The following KAZN variants were observed in gnomAD, a reference collection of about 807,000 sequenced individuals.
KAZN encodes the protein kazrin, periplakin interacting protein, also known as kazrin.
KAZN carries 40 observed loss-of-function variants against 87.4 expected under a neutral mutation model. That is an observed-to-expected ratio of 0.46 (90% CI 0.36 to 0.60). The LOEUF (loss-of-function observed/expected upper bound fraction) is 0.60. Among genes scored for constraint, KAZN ranks in the 20% least tolerant of loss-of-function variants. The pLI, the probability that KAZN is intolerant of heterozygous loss-of-function variation, is 0.00. For missense variants in KAZN, 898 were observed against 1,073.9 expected (o/e 0.84, Z 2.29); for synonymous variants, 466 against 458.3 (o/e 1.02, Z -0.22).
chr1:14,031,135 G>C (rs1641310968), intron 1 of KAZN, among the ~76,000 whole-genome samples: 1 of 152,194 alleles, frequency 6.6e-6, no homozygotes, highest in South Asian at 2.1e-4. Flanking sequence ...AGATTTGACT[G>C]TTATTTACTT....
intron 2 of KAZN, among the ~76,000 whole-genome samples, chr1:14,386,261 T>C (rs1661878202): frequency 6.8e-6 from 1 of 147,186 alleles, no homozygotes; most frequent in Admixed American, 6.8e-5. Flanking sequence ...TCTTGACTCT[T>C]TATCCAATTT....
chr1:14,142,047 A>G lies in KAZN; in HGVS notation c.92-38388A>G, dbSNP rs377140440. 4.0e-5 allele frequency among the ~76,000 whole-genome samples: 6 copies of G among 151,152 alleles called. No individual in the cohort carries two copies. In the East Asian group the frequency reaches 7.7e-4, roughly 19 times the overall value. On this transcript the variant is annotated intron_variant, in intron 1 of 16. Transcript: ENST00000636203. Reference sequence around the variant, plus strand: ...CCGTGTAAGTTTATTTATCTACTGTAGAAGCAAGGTTGTTCTCTTTGTTCC... The same window carrying G: ...CCGTGTAAGTTTATTTATCTACTGTGGAAGCAAGGTTGTTCTCTTTGTTCC...
At chr1:14,776,524 G>A (rs1443982866) in intron 1 of KAZN, among the ~76,000 whole-genome samples, 1 of 152,142 alleles carries the variant, frequency 6.6e-6, no homozygotes, top group Non-Finnish European at 1.5e-5. Flanking sequence ...TTCTTATACT[G>A]TTGAACTTTA....
intron 1 of KAZN, among the ~76,000 whole-genome samples, chr1:14,855,784 G>C (rs1181113648): frequency 6.6e-6 from 1 of 152,226 alleles, no homozygotes; most frequent in Non-Finnish European, 1.5e-5. Context: ...TGCACATGGG[G>C]AATAGCAGGG....
rs1388659468 is a variant in KAZN, at chr1:14,858,203, C to CTTTTTTTTTTTTTTTTTTTTTTTT, written c.227-102476_227-102475insTTTTTTTTTTTTTTTTTTTTTTTT. ...ACATTTCTTTCTTTTTTTCTTTTTT[C>CTTTTTTTTTTTTTTTTTTTTTTTT]TTTTTCTTTTCTTTTTTTTTTTTTT... On this transcript the variant is annotated intron_variant, in intron 1 of 14. Transcript: ENST00000376030. 9.5e-5 allele frequency among the ~76,000 whole-genome samples: 9 copies of CTTTTTTTTTTTTTTTTTTTTTTTT among 95,102 alleles called. 1 individual carries two copies. The highest frequency in any genetic ancestry group is 3.7e-4 in the African/African-American group (7 of 18,896). The allele number at this position is 95,102 out of a possible 152,430, so 62.4% of individuals were successfully genotyped here.
chr1:13,980,953 C>G (rs1638635010), intron 1 of KAZN, among the ~76,000 whole-genome samples: 2 of 151,510 alleles, frequency 1.3e-5, no homozygotes, highest in South Asian at 2.1e-4. Context: ...CAGTGAAAGG[C>G]TCCTAGAACG....
At chr1:14,354,515 C>T (rs1658827508) in intron 2 of KAZN, among the ~76,000 whole-genome samples, 1 of 152,152 alleles carries the variant, frequency 6.6e-6, no homozygotes, top group Non-Finnish European at 1.5e-5. Flanking sequence ...GACTAGCAGA[C>T]AGTTCATAAA....
At position 14,244,442 on chromosome 1, in the gene KAZN, A is replaced by T. The variant is rs1267712634; in HGVS notation, c.249+63850A>T. ...ATCTTCTTCATTGGTTCATTTGTTC[A>T]GTAATTTATTCATTTGAGTGATGTT... is the stretch of plus-strand genomic sequence containing the variant. On this transcript the variant is annotated intron_variant, in intron 2 of 16. Coordinates refer to the KAZN transcript ENST00000636203. Among the ~76,000 whole-genome samples, 3 of 152,302 alleles carry T rather than the reference A, an allele frequency of 2.0e-5. No homozygotes were observed. In the East Asian group the frequency reaches 5.8e-4, roughly 29 times the overall value.
chr1:14,556,470 T>A (rs1403984736), intron 2 of KAZN, among the ~76,000 whole-genome samples: 1 of 152,092 alleles, frequency 6.6e-6, no homozygotes, highest in African/African-American at 2.4e-5. Flanking sequence ...AAATTAAATT[T>A]TTAGACAGGG....
chr1:14,350,892 C>G (rs1658495712), intron 2 of KAZN: 2 of 152,308 alleles, frequency 1.3e-5, no homozygotes, highest in Admixed American at 1.3e-4. Context: ...AGCGAGTTCT[C>G]ATGAACATTT....
chr1:14,484,571 A>T (rs1458416668), intron 2 of KAZN, among the ~76,000 whole-genome samples: 2 of 152,254 alleles, frequency 1.3e-5, no homozygotes, highest in African/African-American at 4.8e-5. Flanking sequence ...TTGTCCCAAT[A>T]GTGCTGCATA....
At chr1:14,942,436 T>G (rs1448390263) in intron 1 of KAZN, among the ~76,000 whole-genome samples, 1 of 152,156 alleles carries the variant, frequency 6.6e-6, no homozygotes, top group Non-Finnish European at 1.5e-5. Context: ...AACATGTAGA[T>G]GAAAGAAACG....
At chr1:15,102,018 A>G (rs976461699) in intron 11 of KAZN, among the ~76,000 whole-genome samples, 6 of 151,932 alleles carry the variant, frequency 3.9e-5, no homozygotes, top group Non-Finnish European at 5.9e-5. Context: ...ACAACCCCCT[A>G]TTGGGCACGG....
At chr1:15,027,772 A>C (rs1471496465) in intron 2 of KAZN, among the ~76,000 whole-genome samples, 2 of 152,168 alleles carry the variant, frequency 1.3e-5, no homozygotes, top group African/African-American at 4.8e-5. Context: ...CCCAGGCTGG[A>C]AATTTTTACA....
At chr1:14,156,114 T>C (rs944804058) in intron 1 of KAZN, among the ~76,000 whole-genome samples, 2 of 152,346 alleles carry the variant, frequency 1.3e-5, no homozygotes, top group Non-Finnish European at 1.5e-5. Flanking sequence ...TTCAGGACCA[T>C]ATTATTTAAT....
intron 1 of KAZN, among the ~76,000 whole-genome samples, chr1:14,894,131 T>C (rs1050630613): frequency 1.3e-5 from 2 of 152,114 alleles, no homozygotes; most frequent in East Asian, 3.9e-4. Context: ...GCAAACCTCC[T>C]GCCTGCCATC....
At chr1:14,162,303 TAGTG>T (rs1019041154) in intron 1 of KAZN, among the ~76,000 whole-genome samples, 9 of 152,312 alleles carry the variant, frequency 5.9e-5, no homozygotes, top group African/African-American at 2.2e-4. Context: ...CTTAAAAACA[TAGTG>T]AGTATACTAT....
intron 8 of KAZN, among the ~76,000 whole-genome samples, chr1:15,079,999 A>G (rs1401652635): frequency 6.6e-6 from 1 of 152,222 alleles, no homozygotes; most frequent in Non-Finnish European, 1.5e-5. Flanking sequence ...GCATAAACTT[A>G]GAGAATACTT....
At chr1:14,905,216 C>T (rs571469166) in intron 1 of KAZN, among the ~76,000 whole-genome samples, 2 of 152,154 alleles carry the variant, frequency 1.3e-5, no homozygotes, top group Non-Finnish European at 2.9e-5. Context: ...ACACCACATG[C>T]TTGGCTAATG....
Sources: gnomAD v4.1 joint callset for allele counts (sites outside exome capture counted in the v4.1 genomes callset) on GRCh38, gnomAD v4.1.1 for gene constraint, MANE v1.5 for transcripts, NCBI Gene and HGNC (gene_info 2026-07-23, HGNC 2026-07-21) for gene names.